GRIN2B: variants seen among roughly 807,000 people sequenced by gnomAD.
The protein encoded by GRIN2B is glutamate receptor ionotropic, NMDA 2B.
A neutral mutation model predicts 114.5 loss-of-function variants in GRIN2B; 5 were observed. The ratio of observed to expected loss-of-function variants is 0.04; its 90% CI spans 0.02 to 0.09. GRIN2B has a LOEUF of 0.09. Among genes scored for constraint, GRIN2B ranks in the 10% least tolerant of loss-of-function variants. The pLI is 1.00. For synonymous variants in GRIN2B, 787 were observed against 745.1 expected, an observed-to-expected ratio of 1.06 and a Z score of -0.92; for missense variants, 1,108 against 1,943.5, an observed-to-expected ratio of 0.57 and a Z score of 8.08.
At chr12:13,889,472 C>T (rs945041108) in intron 2 of GRIN2B, among the ~76,000 whole-genome samples, 1 of 152,134 alleles carries the variant, frequency 6.6e-6, no homozygotes, top group African/African-American at 2.4e-5. Context: ...ACAGTTAGTG[C>T]TTCATCTGCC....
At chr12:13,682,320 T>A (rs1208723133) in intron 4 of GRIN2B, among the ~76,000 whole-genome samples, 1 of 148,832 alleles carries the variant, frequency 6.7e-6, no homozygotes, top group Non-Finnish European at 1.5e-5. Context: ...GGTTGGACAA[T>A]ATAATTAGAA....
chr12:13,714,359 A>G (rs889053946), intron 4 of GRIN2B, among the ~76,000 whole-genome samples: 1 of 151,938 alleles, frequency 6.6e-6, no homozygotes, highest in African/African-American at 2.4e-5. Flanking sequence ...GAGGCTTGAT[A>G]TGGAGGAGAC....
intron 2 of GRIN2B, among the ~76,000 whole-genome samples, chr12:13,921,942 A>G (rs1338542868): frequency 2.0e-5 from 3 of 152,124 alleles, no homozygotes; most frequent in East Asian, 1.9e-4. Flanking sequence ...AGAAATATAT[A>G]TTGTTAAATA....
intron 4 of GRIN2B, among the ~76,000 whole-genome samples, chr12:13,735,860 G>C (rs1863169185): frequency 6.6e-6 from 1 of 151,604 alleles, no homozygotes; most frequent in Non-Finnish European, 1.5e-5. Context: ...GGAGAAGTAG[G>C]ATCCTTTCCC....
intron 2 of GRIN2B, among the ~76,000 whole-genome samples, chr12:13,932,627 G>A (rs765774671): frequency 3.3e-5 from 5 of 152,312 alleles, no homozygotes; most frequent in Admixed American, 6.5e-5. Context: ...CTGAGAGAGA[G>A]AACACAGAGA....
Position 13,653,742 on chromosome 12 carries a change from G to A in GRIN2B, c.1125+22003C>T, listed in dbSNP as rs541993674. On this transcript the variant is annotated intron_variant, in intron 5 of 13. Transcript: ENST00000609686. ...ACAGTACAATATTAACTCAGTAGGC[G>A]ACTTTCATTCTCTTCAAGTGTATAT... Among the ~76,000 whole-genome samples the A allele has an allele frequency of 1.1e-3, 163 of 152,056 alleles. 1 individual carries two copies. The highest frequency in any genetic ancestry group is 5.6e-4 in the Non-Finnish European group (38 of 68,014).
rs1948331975 is a variant in GRIN2B, at chr12:13,545,541, C to A, written c.*17242G>T. On this transcript the variant is annotated 3_prime_UTR_variant, in exon 14 of 14. Coordinates refer to ENST00000609686, the MANE Select transcript of GRIN2B (RefSeq NM_000834.5). Reference sequence around the variant, plus strand: ...AAAATAAGAGCTCCAGTAAACAAAACAATGCAAGCAAGGAAACAACTCCTC... The same window carrying A: ...AAAATAAGAGCTCCAGTAAACAAAAAAATGCAAGCAAGGAAACAACTCCTC... The A allele has an allele frequency of 6.6e-6, 1 of 152,074 alleles. No individual in the cohort carries two copies. The highest frequency in any genetic ancestry group is 1.5e-5 in the Non-Finnish European group (1 of 68,000). The allele number at this position is 152,074 out of a possible 1,614,324, so 9.4% of individuals were successfully genotyped here.
chr12:13,640,737 G>A (rs1047068135), intron 5 of GRIN2B, among the ~76,000 whole-genome samples: 1 of 152,080 alleles, frequency 6.6e-6, no homozygotes, highest in Admixed American at 6.6e-5. Context: ...GAGAAGCTTA[G>A]GGCCAAGGCA....
At position 13,754,059 on chromosome 12, in the gene GRIN2B, A is replaced by T. The variant is rs944433200; in HGVS notation, c.412-144T>A. 5.0e-6 allele frequency: 3 copies of T among 604,896 alleles called. No homozygotes were observed. In the African/African-American group the frequency reaches 5.6e-5, roughly 11 times the overall value. 37.5% of individuals were successfully genotyped at this position (604,896 alleles called of 1,614,324 possible). A position where few individuals can be genotyped will look rare whatever the true frequency, so the allele number is the denominator to read the frequency against. On this transcript the variant is annotated intron_variant, in intron 3 of 13. Transcript: ENST00000609686. ...GCCTTTACAAGTTTGTATTTACAAT[A>T]AATATTTTTAAATATTTAAATTGCA...
chr12:13,898,272 A>G (rs1365492453), intron 2 of GRIN2B, among the ~76,000 whole-genome samples: 1 of 152,214 alleles, frequency 6.6e-6, no homozygotes, highest in African/African-American at 2.4e-5. Context: ...TGATTAATAG[A>G]ACTAGGGAAA....
chr12:13,894,336 C>A (rs1460993634), intron 2 of GRIN2B, among the ~76,000 whole-genome samples: 20 of 151,804 alleles, frequency 1.3e-4, no homozygotes, highest in Admixed American at 1.2e-3. Context: ...ATTAAATGGC[C>A]GACAGTAAGA....
intron 2 of GRIN2B, among the ~76,000 whole-genome samples, chr12:13,957,056 G>T (rs753609112): frequency 6.6e-6 from 1 of 152,172 alleles, no homozygotes; most frequent in Non-Finnish European, 1.5e-5. Context: ...TAAAATTCAA[G>T]TGGAGCAGAA....
intron 2 of GRIN2B, among the ~76,000 whole-genome samples, chr12:13,874,882 C>A (rs1865971035): frequency 6.6e-6 from 1 of 152,126 alleles, no homozygotes; most frequent in Non-Finnish European, 1.5e-5. Context: ...GACCACCAAA[C>A]CTATAGGCAT....
intron 3 of GRIN2B, among the ~76,000 whole-genome samples, chr12:13,762,955 GAA>G (rs1863708921): frequency 6.6e-6 from 1 of 151,900 alleles, no homozygotes; most frequent in Non-Finnish European, 1.5e-5. Flanking sequence ...CTCTAGATTG[GAA>G]AACTGATCAC....
rs138658038 is a variant in GRIN2B, at chr12:13,910,245, C to T, written c.-18-44019G>A. Among the ~76,000 whole-genome samples, 566 of 152,204 alleles carry T rather than the reference C, an allele frequency of 3.7e-3. 3 individuals carry two copies. Among genetic ancestry groups the T allele is most frequent in the African/African-American group, 0.013 (540 of 41,536 alleles). ...TGAATATGTTGTGTGCGCCCTCCCT[C>T]GAAGAGCATAGAGTCTTATAAAACT... On this transcript the variant is annotated intron_variant, in intron 2 of 13. Coordinates refer to ENST00000609686, the MANE Select transcript of GRIN2B (RefSeq NM_000834.5).
chr12:13,914,998 G>T (rs1334720289), intron 2 of GRIN2B, among the ~76,000 whole-genome samples: 1 of 152,142 alleles, frequency 6.6e-6, no homozygotes, highest in African/African-American at 2.4e-5. Flanking sequence ...GTTCAGTAGG[G>T]TTTCCACAGT....
chr12:13,812,457 T>C (rs1217027724), intron 3 of GRIN2B, among the ~76,000 whole-genome samples: 2 of 139,278 alleles, frequency 1.4e-5, no homozygotes, highest in African/African-American at 5.2e-5. Context: ...TTTTGATATG[T>C]ATTTATCTTT....
chr12:13,659,055 A>G (rs527439726), intron 5 of GRIN2B, among the ~76,000 whole-genome samples: 31 of 152,196 alleles, frequency 2.0e-4, no homozygotes, highest in African/African-American at 7.2e-4. Flanking sequence ...TCTTCTCACT[A>G]GCCTTCAATT....
chr12:13,767,591 G>C (rs1049104981), intron 3 of GRIN2B, among the ~76,000 whole-genome samples: 1 of 152,212 alleles, frequency 6.6e-6, no homozygotes, highest in Non-Finnish European at 1.5e-5. Context: ...ATCTGAGCTA[G>C]AGGTACTTCC....
Sources: allele counts gnomAD v4.1 joint callset (sites outside exome capture counted in the v4.1 genomes callset), GRCh38; gene constraint gnomAD v4.1.1; transcripts MANE v1.5; gene names NCBI Gene and HGNC (gene_info 2026-07-23, HGNC 2026-07-21).